The following EIF5B variants were observed in gnomAD, a reference collection of about 807,000 sequenced individuals.
EIF5B encodes eIF-5B.
Under a neutral mutation model 147.5 loss-of-function variants are expected in EIF5B, and 47 were observed. The observed-to-expected ratio is 0.32, with a 90% CI of 0.25 to 0.41. The LOEUF is 0.41. EIF5B is among the 10% of genes least tolerant of loss of function. The pLI is 1.00. For missense variants in EIF5B, 1,064 were observed against 1,413.2 expected (o/e 0.75, Z 3.96); for synonymous variants, 455 against 456.2 (o/e 1.00, Z 0.03).
chr2:99,382,234 C>T lies in EIF5B; in HGVS notation c.2129+8C>T. On this transcript the variant is annotated splice_region_variant and intron_variant, in intron 13 of 23. Coordinates refer to ENST00000289371, the MANE Select transcript of EIF5B (RefSeq NM_015904.4). ...TGGGCATGAATCTTTCAGGTAAGAG[C>T]AATTTGAGTCTTTTCTCATCAAGCA... is the stretch of plus-strand genomic sequence containing the variant. The T allele has an allele frequency of 6.2e-7, 1 of 1,610,776 alleles. No individual in the cohort carries two copies. Among genetic ancestry groups the T allele is most frequent in the Non-Finnish European group, 8.5e-7 (1 of 1,177,714 alleles).
intron 23 of EIF5B, 88 bp downstream of exon 23, chr2:99,398,997 G>A (rs1017652745): frequency 1.4e-6 from 2 of 1,447,278 alleles, no homozygotes; most frequent in Admixed American, 4.3e-5. Context: ...TTGGGCTTCA[G>A]TTTGATTGTA....
At chr2:99,351,514 G>A (rs1673954266) in intron 1 of EIF5B, among the ~76,000 whole-genome samples, 1 of 152,156 alleles carries the variant, frequency 6.6e-6, no homozygotes, top group South Asian at 2.1e-4. Context: ...CGTATGGTAA[G>A]TGTATATTTA....
chr2:99,363,808 A>G lies in EIF5B; in HGVS notation c.1083A>G (p.Glu361=), dbSNP rs764081987. Reference sequence around the variant, plus strand: ...AGGAAGAAGAAAGACAGAAGAGAGAAGAGGAAGAACGTATAAAACGGCTTG... The same window carrying G: ...AGGAAGAAGAAAGACAGAAGAGAGAGGAGGAAGAACGTATAAAACGGCTTG... ...LKEEEERQKR[E]EEERIKRLEE... The change falls in exon 5 of 24, where the codon GAA becomes GAG. Residue 361 remains glutamate (E), a synonymous_variant. Transcript: ENST00000289371. The G allele has an allele frequency of 8.7e-6, 14 of 1,613,900 alleles. No homozygotes were observed. The South Asian group carries it at 1.5e-4, about 18-fold the overall frequency.
At position 99,398,928 on chromosome 2, in the gene EIF5B, G is replaced by C; in HGVS notation, c.3555+19G>C. On this transcript the variant is annotated intron_variant, in intron 23 of 23. Coordinates refer to ENST00000289371, the MANE Select transcript of EIF5B (RefSeq NM_015904.4). ...TAGTAAGGTAAGTATTTCAGCAAAA[G>C]TGGCACACTTTAAGCAACAGGGAAT... The C allele has an allele frequency of 6.2e-7, 1 of 1,609,798 alleles. No homozygotes were observed. The highest frequency in any genetic ancestry group is 8.5e-7 in the Non-Finnish European group (1 of 1,178,162).
Position 99,379,320 on chromosome 2 carries a change from C to G in EIF5B, c.1953C>G (p.Leu651=). The G allele has an allele frequency of 5.0e-6, 8 of 1,609,290 alleles. No homozygotes were observed. The highest frequency in any genetic ancestry group is 6.8e-6 in the Non-Finnish European group (8 of 1,178,112). The change falls in exon 12 of 24, where the codon CTC becomes CTG. Residue 651 remains leucine (L), a splice_region_variant and synonymous_variant. Transcript: ENST00000289371. Reference sequence around the variant, plus strand: ...CTGTATTTGCTGTCTTCTCATAGCTCCGTCACACACATGTACAAGATGGTG... The same window carrying G: ...CTGTATTTGCTGTCTTCTCATAGCTGCGTCACACACATGTACAAGATGGTG... ...DTGKTKILDK[L]RHTHVQDGEA...
chr2:99,387,859 T>C (rs750820259), intron 14 of EIF5B, among the ~76,000 whole-genome samples: 23 of 152,286 alleles, frequency 1.5e-4, no homozygotes, highest in Non-Finnish European at 2.8e-4. Context: ...TTTTTTTAAA[T>C]AGAGACGAGG....
chr2:99,348,610 A>G (rs914072339), intron 1 of EIF5B, among the ~76,000 whole-genome samples: 2 of 152,232 alleles, frequency 1.3e-5, no homozygotes, highest in Admixed American at 1.3e-4. Flanking sequence ...AGTTAAGAAT[A>G]AAGAGAAGGA....
At chr2:99,397,422 GT>G (rs1675077609) in intron 22 of EIF5B, 3 of 152,266 alleles carry the variant, frequency 2.0e-5, no homozygotes, top group African/African-American at 7.2e-5. Flanking sequence ...ATCTGGCCCA[GT>G]GCCCTGCAAG....
Position 99,394,819 on chromosome 2 carries a change from CATTT to C in EIF5B, c.3195_3198del (p.Phe1066MetfsTer21). ...AATTTTTAGTGCAGAAATTATTTAT[CATTT>C]ATTTGATGCCTTTACAAAATATAGA... On this transcript the variant is annotated frameshift_variant, in exon 21 of 24. Transcript: ENST00000289371. LOFTEE classifies it high-confidence loss of function. 6.2e-7 allele frequency: 1 copy of C among 1,611,758 alleles called. No homozygotes were observed. The highest frequency in any genetic ancestry group is 8.5e-7 in the Non-Finnish European group (1 of 1,178,638).
Position 99,374,063 on chromosome 2 carries a change from C to T in EIF5B, c.1553-2284C>T, listed in dbSNP as rs140759362. Among the ~76,000 whole-genome samples, 1,153 of 152,178 alleles carry T rather than the reference C, an allele frequency of 7.6e-3. 42 individuals carry two copies. Among genetic ancestry groups the T allele is most frequent in the Admixed American group, 0.067 (1,025 of 15,300 alleles). On this transcript the variant is annotated intron_variant, in intron 9 of 23. Transcript: ENST00000289371. ...CAGCACTCTGGGAGGCCGAGGTGGG[C>T]GGATCACTTGAGATCAGGAGATTGA...
At chr2:99,379,691 C>A (rs1674649877) in intron 12 of EIF5B, among the ~76,000 whole-genome samples, 1 of 152,152 alleles carries the variant, frequency 6.6e-6, no homozygotes, top group Non-Finnish European at 1.5e-5. Context: ...CATTTGCCTC[C>A]ATGCTTTAAC....
intron 1 of EIF5B, among the ~76,000 whole-genome samples, chr2:99,339,259 C>G (rs1454107244): frequency 1.3e-5 from 2 of 151,680 alleles, no homozygotes; most frequent in Non-Finnish European, 2.9e-5. Context: ...GTGATCCGCC[C>G]GCCTCGGCCT....
chr2:99,338,317 C>T lies in EIF5B; in HGVS notation c.35+728C>T, dbSNP rs1574913809. ...ATAAGGGTATATGCGAGTTACTTAC[C>T]TAGAGATTTTTGAGACATTTCTGTG... is the stretch of plus-strand genomic sequence containing the variant. On this transcript the variant is annotated intron_variant, in intron 1 of 23. Coordinates refer to ENST00000289371, the MANE Select transcript of EIF5B (RefSeq NM_015904.4). The T allele has an allele frequency of 2.3e-6, 3 of 1,289,048 alleles. No individual in the cohort carries two copies. The African/African-American group carries it at 4.6e-5, about 20-fold the overall frequency. The allele number at this position is 1,289,048 out of a possible 1,614,324, so 79.9% of individuals were successfully genotyped here. A position where few individuals can be genotyped will look rare whatever the true frequency, so the allele number is the denominator to read the frequency against.
chr2:99,347,149 AC>A (rs2094275018), intron 1 of EIF5B, among the ~76,000 whole-genome samples: 1 of 151,674 alleles, frequency 6.6e-6, no homozygotes, highest in African/African-American at 2.4e-5. Context: ...GGGACTACAG[AC>A]GCATGCCACC....
chr2:99,382,723 A>G lies in EIF5B; in HGVS notation c.2130-57A>G, dbSNP rs1277540876. On this transcript the variant is annotated intron_variant, in intron 13 of 23. Transcript: ENST00000289371. ...TTTTACAGAGAAGTTTAAAAGTTTA[A>G]GAAAAGTATTAATTTCAAGATTTTC... The G allele has an allele frequency of 2.0e-6, 3 of 1,490,406 alleles. No individual in the cohort carries two copies. In the East Asian group the frequency reaches 7.0e-5, roughly 35 times the overall value. The allele number at this position is 1,490,406 out of a possible 1,614,324, so 92.3% of individuals were successfully genotyped here.
chr2:99,384,121 C>G lies in EIF5B; in HGVS notation c.2271+1200C>G, dbSNP rs1021235266. On this transcript the variant is annotated intron_variant, in intron 14 of 23. Coordinates refer to ENST00000289371, the MANE Select transcript of EIF5B (RefSeq NM_015904.4). ...CTGAGGCAGGAGAATGGCGTGAACC[C>G]GGGAGGCGGAGCTTGCAGTGAGCCG... Among the ~76,000 whole-genome samples, 4 of 142,784 alleles carry G rather than the reference C, an allele frequency of 2.8e-5. No homozygotes were observed. In the Admixed American group the frequency reaches 3.0e-4, roughly 11 times the overall value. 93.7% of individuals were successfully genotyped at this position (142,784 alleles called of 152,430 possible).
At position 99,396,796 on chromosome 2, in the gene EIF5B, C is replaced by T; in HGVS notation, c.3291C>T (p.Leu1097=). The T allele has an allele frequency of 6.2e-7, 1 of 1,612,344 alleles. No individual in the cohort carries two copies. Among genetic ancestry groups the T allele is most frequent in the South Asian group, 1.1e-5 (1 of 90,770 alleles). The part of the protein sequence containing the change: ...IAVFPCKIKI[L]PQYIFNSRDP... ...TATTTCCCTGCAAGATAAAAATCCTCCCTCAGTACATTTTTAATTCTCGAG... is the reference window on the plus strand; with the variant it reads ...TATTTCCCTGCAAGATAAAAATCCTTCCTCAGTACATTTTTAATTCTCGAG... Residue 1097 remains leucine, a synonymous_variant, in exon 22 of 24, where the codon CTC becomes CTT. Transcript: ENST00000289371.
intron 1 of EIF5B, among the ~76,000 whole-genome samples, chr2:99,352,187 T>C (rs1284743728): frequency 6.6e-6 from 1 of 152,164 alleles, no homozygotes; most frequent in African/African-American, 2.4e-5. Context: ...CTCTTTGTCA[T>C]GGCTTTTCTT....
intron 14 of EIF5B, among the ~76,000 whole-genome samples, chr2:99,388,166 T>G (rs925934306): frequency 3.3e-5 from 5 of 152,236 alleles, no homozygotes; most frequent in Non-Finnish European, 7.3e-5. Flanking sequence ...ATTCACTGAT[T>G]AGGCCTAGTA....
Sources: allele counts gnomAD v4.1 joint callset (sites outside exome capture counted in the v4.1 genomes callset), GRCh38; gene constraint gnomAD v4.1.1; transcripts MANE v1.5; gene names NCBI Gene and HGNC (gene_info 2026-07-23, HGNC 2026-07-21).